RCAN1: variants seen among roughly 807,000 people sequenced by gnomAD.
RCAN1 encodes calcipressin-1.
A neutral mutation model predicts 22.9 loss-of-function variants in RCAN1; 11 were observed. The observed-to-expected ratio is 0.48, with a 90% CI of 0.30 to 0.79. The LOEUF (loss-of-function observed/expected upper bound fraction) is 0.79, where lower values mean the gene tolerates loss of function less well. Ranked by LOEUF, RCAN1 falls within the 30% of genes least tolerant of loss-of-function variation. The pLI, the probability that RCAN1 is intolerant of heterozygous loss-of-function variation, is 0.06. For missense variants in RCAN1, 291 were observed against 337.8 expected (o/e 0.86, Z 1.09); for synonymous variants, 136 against 142.3 (o/e 0.96, Z 0.32).
At chr21:34,593,739 C>G (rs1247936908) in intron 1 of RCAN1, among the ~76,000 whole-genome samples, 1 of 152,176 alleles carries the variant, frequency 6.6e-6, no homozygotes, top group Non-Finnish European at 1.5e-5. Context: ...AAAGGATATG[C>G]ATGGTTTCCG....
chr21:34,530,842 C>T (rs1985356816), intron 1 of RCAN1, among the ~76,000 whole-genome samples: 1 of 151,950 alleles, frequency 6.6e-6, no homozygotes, highest in African/African-American at 2.4e-5. Flanking sequence ...TCAGGCTGGT[C>T]TCAAACTCCT....
At chr21:34,587,273 AT>A (rs1987831423) in intron 1 of RCAN1, among the ~76,000 whole-genome samples, 2 of 152,170 alleles carry the variant, frequency 1.3e-5, no homozygotes, top group Admixed American at 1.3e-4. Flanking sequence ...TTCTATATCT[AT>A]TTATAAAACT....
chr21:34,559,362 C>G (rs1180693105), intron 1 of RCAN1: 1 of 152,224 alleles, frequency 6.6e-6, no homozygotes, highest in Non-Finnish European at 1.5e-5. Context: ...AGTGCAACTT[C>G]AAGTAGAGCT....
chr21:34,559,278 G>A (rs8131097), intron 1 of RCAN1: 36,799 of 152,080 alleles, frequency 0.24, 5,195 homozygotes, highest in African/African-American at 0.39. Flanking sequence ...GATTCACAGC[G>A]CAGGAGTCTT....
chr21:34,542,718 G>C (rs563489849), intron 1 of RCAN1, among the ~76,000 whole-genome samples: 8 of 152,352 alleles, frequency 5.3e-5, no homozygotes, highest in African/African-American at 1.7e-4. Context: ...GCGATGGGCA[G>C]AAGTGGCAAG....
chr21:34,590,597 C>G (rs1987938898), intron 1 of RCAN1, among the ~76,000 whole-genome samples: 1 of 152,194 alleles, frequency 6.6e-6, no homozygotes, highest in South Asian at 2.1e-4. Flanking sequence ...CATCCTCCTC[C>G]CATCCCAGCA....
Position 34,517,338 on chromosome 21 carries a change from G to C in RCAN1, c.*746C>G, listed in dbSNP as rs1210636827. ...AGCTAAATTCTACAGAGGAATTTCA[G>C]ATCAACTTCTTTTGCAAAAGCACAA... On this transcript the variant is annotated 3_prime_UTR_variant, in exon 4 of 4. Coordinates refer to ENST00000313806, the MANE Select transcript of RCAN1 (RefSeq NM_004414.7). 6.6e-6 allele frequency: 1 copy of C among 152,226 alleles called. No individual in the cohort carries two copies. The highest frequency in any genetic ancestry group is 2.4e-5 in the African/African-American group (1 of 41,450). 9.4% of individuals were successfully genotyped at this position (152,226 alleles called of 1,614,324 possible).
intron 1 of RCAN1, among the ~76,000 whole-genome samples, chr21:34,544,235 T>G (rs1986041990): frequency 6.6e-6 from 1 of 152,204 alleles, no homozygotes; most frequent in Non-Finnish European, 1.5e-5. Flanking sequence ...TAGGTTATAT[T>G]ACCCTGGGAG....
At chr21:34,520,968 G>A in intron 3 of RCAN1, 1 of 605,260 alleles carries the variant, frequency 1.7e-6, no homozygotes, top group African/African-American at 2.0e-5. Context: ...CTCTGTAGGG[G>A]ACCAGCCCAC....
At chr21:34,566,797 G>A (rs1324160009) in intron 1 of RCAN1, among the ~76,000 whole-genome samples, 1 of 152,204 alleles carries the variant, frequency 6.6e-6, no homozygotes, top group African/African-American at 2.4e-5. Context: ...GGTGGAAGGT[G>A]AAGGGGGAGC....
intron 1 of RCAN1, among the ~76,000 whole-genome samples, chr21:34,611,570 CCA>C (rs1988688723): frequency 6.6e-6 from 1 of 152,080 alleles, no homozygotes; most frequent in Non-Finnish European, 1.5e-5. Context: ...GAAGTTTGAT[CCA>C]GTCTTTTTTC....
At chr21:34,565,865 C>T (rs1320478305) in intron 1 of RCAN1, among the ~76,000 whole-genome samples, 1 of 152,176 alleles carries the variant, frequency 6.6e-6, no homozygotes, top group Non-Finnish European at 1.5e-5. Context: ...ACCATGTATA[C>T]ACATTTGCCT....
At chr21:34,535,115 A>G (rs2834506) in intron 1 of RCAN1, among the ~76,000 whole-genome samples, 55,423 of 152,154 alleles carry the variant, frequency 0.36, 11,233 homozygotes, top group African/African-American at 0.56. Flanking sequence ...AGATGTACTA[A>G]AAAATCTTCT....
chr21:34,576,074 T>C (rs1469900718), intron 1 of RCAN1, among the ~76,000 whole-genome samples: 1 of 152,086 alleles, frequency 6.6e-6, no homozygotes, highest in Non-Finnish European at 1.5e-5. Context: ...GGGGAAGAAA[T>C]GCAGGAAAGC....
intron 1 of RCAN1, among the ~76,000 whole-genome samples, chr21:34,568,893 CA>C (rs1257992680): frequency 6.6e-6 from 1 of 152,248 alleles, no homozygotes; most frequent in Admixed American, 6.5e-5. Context: ...TACAGTTCCA[CA>C]TGGCTGGGGA....
intron 1 of RCAN1, among the ~76,000 whole-genome samples, chr21:34,573,331 A>G (rs1408373908): frequency 1.3e-5 from 2 of 152,166 alleles, no homozygotes; most frequent in East Asian, 3.8e-4. Context: ...AAAAAGGATT[A>G]TTTAGCTAAT....
chr21:34,544,725 G>T (rs1053355562), intron 1 of RCAN1, among the ~76,000 whole-genome samples: 1 of 152,208 alleles, frequency 6.6e-6, no homozygotes, highest in African/African-American at 2.4e-5. Flanking sequence ...TGTCAGAGGA[G>T]ACTGCTGGTC....
chr21:34,577,699 G>A lies in RCAN1; in HGVS notation c.252+37061C>T, dbSNP rs963712205. 1.3e-5 allele frequency among the ~76,000 whole-genome samples: 2 copies of A among 152,168 alleles called. 1 individual carries two copies. Among genetic ancestry groups the A allele is most frequent in the East Asian group, 3.8e-4 (2 of 5,196 alleles). ...CAGAATACCAGGTAGGAGCTGCTGCGTACTCCAGGCAGGAGTGTTACATGA... is the reference window on the plus strand; with the variant it reads ...CAGAATACCAGGTAGGAGCTGCTGCATACTCCAGGCAGGAGTGTTACATGA... On this transcript the variant is annotated intron_variant, in intron 1 of 3. Transcript: ENST00000313806.
chr21:34,571,150 G>A (rs1030588839), intron 1 of RCAN1, among the ~76,000 whole-genome samples: 4 of 151,974 alleles, frequency 2.6e-5, no homozygotes, highest in African/African-American at 9.7e-5. Context: ...AAAATTAGCC[G>A]GGCATGGTGA....
Sources: allele counts gnomAD v4.1 joint callset (sites outside exome capture counted in the v4.1 genomes callset), GRCh38; gene constraint gnomAD v4.1.1; transcripts MANE v1.5; gene names NCBI Gene and HGNC (gene_info 2026-07-23, HGNC 2026-07-21).